Variants in HDAC9 observed in about 807,000 individuals in gnomAD.
The protein encoded by HDAC9 is MEF-2 interacting transcription repressor (MITR) protein.
HDAC9 carries 41 observed loss-of-function variants against 139.4 expected under a neutral mutation model. The observed-to-expected ratio is 0.29, with a 90% CI of 0.23 to 0.38. HDAC9 has a LOEUF of 0.38. Among genes scored for constraint, HDAC9 ranks in the 10% least tolerant of loss-of-function variants. The pLI is 1.00. For missense variants in HDAC9, 1,147 were observed against 1,297.0 expected (o/e 0.88, Z 1.78); for synonymous variants, 517 against 476.2 (o/e 1.09, Z -1.12).
intron 8 of HDAC9, among the ~76,000 whole-genome samples, chr7:18,635,659 T>C (rs1436039363): frequency 6.6e-6 from 1 of 152,246 alleles, no homozygotes; most frequent in African/African-American, 2.4e-5. Context: ...CACTGTGCAT[T>C]GCTCTGTGCA....
At chr7:18,781,173 C>A (rs529122231) in intron 16 of HDAC9, among the ~76,000 whole-genome samples, 2 of 151,962 alleles carry the variant, frequency 1.3e-5, no homozygotes, top group Non-Finnish European at 2.9e-5. Flanking sequence ...AGGGCCCCAC[C>A]CTTATGATCT....
intron 1 of HDAC9, among the ~76,000 whole-genome samples, chr7:18,408,520 C>A (rs1175564664): frequency 1.3e-5 from 2 of 152,182 alleles, no homozygotes; most frequent in Non-Finnish European, 2.9e-5. Context: ...AATAGCTCTT[C>A]CTGGTTCTGT....
chr7:18,325,749 C>T (rs1399219337), intron 1 of HDAC9, among the ~76,000 whole-genome samples: 2 of 151,886 alleles, frequency 1.3e-5, no homozygotes, highest in Non-Finnish European at 2.9e-5. Flanking sequence ...TGTGATAGAC[C>T]ATATATATGA....
intron 12 of HDAC9, among the ~76,000 whole-genome samples, chr7:18,723,842 A>C (rs1355994824): frequency 6.6e-6 from 1 of 152,182 alleles, no homozygotes; most frequent in Non-Finnish European, 1.5e-5. Context: ...TAAAAAAAGA[A>C]ACATGGCCTT....
At chr7:18,433,727 C>G (rs1251706960) in intron 1 of HDAC9, among the ~76,000 whole-genome samples, 2 of 152,152 alleles carry the variant, frequency 1.3e-5, no homozygotes, top group Non-Finnish European at 2.9e-5. Context: ...GGTGGAAGAT[C>G]TCTACAATGA....
chr7:18,298,934 G>A (rs932793751), intron 1 of HDAC9, among the ~76,000 whole-genome samples: 18 of 152,190 alleles, frequency 1.2e-4, no homozygotes, highest in African/African-American at 4.3e-4. Context: ...AGGAGGGAAA[G>A]TGTTCTGTAT....
intron 16 of HDAC9, among the ~76,000 whole-genome samples, chr7:18,775,544 A>G (rs774987972): frequency 4.6e-5 from 7 of 152,034 alleles, no homozygotes; most frequent in Admixed American, 6.6e-5. Context: ...TAAATAGATT[A>G]CTTTTCTTTC....
At chr7:18,829,772 G>A (rs184137413) in intron 19 of HDAC9, among the ~76,000 whole-genome samples, 22 of 152,310 alleles carry the variant, frequency 1.4e-4, no homozygotes, top group Admixed American at 7.2e-4. Context: ...AGAAGAAGGC[G>A]CAGATCAGGG....
chr7:18,804,523 A>G (rs1793550632), intron 17 of HDAC9, among the ~76,000 whole-genome samples: 2 of 152,344 alleles, frequency 1.3e-5, no homozygotes, highest in Non-Finnish European at 2.9e-5. Context: ...ATTGCATTTC[A>G]TATACATTTT....
At chr7:18,965,721 C>A (rs1783800405) in intron 24 of HDAC9, among the ~76,000 whole-genome samples, 1 of 152,242 alleles carries the variant, frequency 6.6e-6, no homozygotes, top group Admixed American at 6.5e-5. Flanking sequence ...TATGCTCCAA[C>A]TCCAAACAGT....
At chr7:18,576,662 A>AAC (rs1364447420) in intron 2 of HDAC9, among the ~76,000 whole-genome samples, 3 of 151,962 alleles carry the variant, frequency 2.0e-5, no homozygotes, top group African/African-American at 7.3e-5. Flanking sequence ...ATGTCAAAAA[A>AAC]AAAAAAAAAA....
intron 2 of HDAC9, among the ~76,000 whole-genome samples, chr7:18,515,077 G>T (rs1441121072): frequency 6.6e-6 from 1 of 152,044 alleles, no homozygotes; most frequent in African/African-American, 2.4e-5. Flanking sequence ...TAGTCATATG[G>T]TTAAAATTTA....
intron 25 of HDAC9, among the ~76,000 whole-genome samples, chr7:18,983,617 T>C (rs1459208413): frequency 6.6e-6 from 1 of 152,188 alleles, no homozygotes; most frequent in Non-Finnish European, 1.5e-5. Context: ...AAAATTAGAA[T>C]TGCTGGGTTG....
At chr7:18,399,299 C>T (rs1051756289) in intron 1 of HDAC9, among the ~76,000 whole-genome samples, 4 of 151,880 alleles carry the variant, frequency 2.6e-5, no homozygotes, top group African/African-American at 9.7e-5. Context: ...CCCTTCTGTA[C>T]CAGATTTACA....
intron 1 of HDAC9, among the ~76,000 whole-genome samples, chr7:18,366,677 C>T (rs1784205091): frequency 1.3e-5 from 2 of 152,004 alleles, no homozygotes; most frequent in African/African-American, 2.4e-5. Context: ...ATTTTTTTGG[C>T]AGTGCTGTTA....
At chr7:18,923,091 G>A (rs1212909887) in intron 22 of HDAC9, among the ~76,000 whole-genome samples, 1 of 151,942 alleles carries the variant, frequency 6.6e-6, no homozygotes, top group East Asian at 1.9e-4. Context: ...TTATTAATTA[G>A]GTAATTTTGA....
chr7:18,534,951 T>A, intron 2 of HDAC9, among the ~76,000 whole-genome samples: 1 of 152,190 alleles, frequency 6.6e-6, no homozygotes, highest in South Asian at 2.1e-4. Flanking sequence ...AACCAGTCCC[T>A]GCGCTTTTGA....
intron 1 of HDAC9, among the ~76,000 whole-genome samples, chr7:18,406,890 T>C (rs948801801): frequency 5.9e-5 from 9 of 152,128 alleles, no homozygotes; most frequent in African/African-American, 1.9e-4. Flanking sequence ...TAAAGATGTA[T>C]TGCTTAAAAT....
At chr7:18,634,358 G>T (rs565262393) in intron 7 of HDAC9, among the ~76,000 whole-genome samples, 83 of 148,962 alleles carry the variant, frequency 5.6e-4, no homozygotes, top group African/African-American at 1.9e-3. Context: ...CTCATTCAAA[G>T]CTCCTGTGAC....
Sources: gnomAD v4.1 joint callset for allele counts (sites outside exome capture counted in the v4.1 genomes callset) on GRCh38, gnomAD v4.1.1 for gene constraint, MANE v1.5 for transcripts, NCBI Gene and HGNC (gene_info 2026-07-23, HGNC 2026-07-21) for gene names.